The following COX7B2 variants were observed in gnomAD, a reference collection of about 807,000 sequenced individuals.
The protein encoded by COX7B2 is cytochrome c oxidase subunit 7B2, mitochondrial.
For synonymous variants in COX7B2, 37 were observed against 32.1 expected (o/e 1.15, Z -0.51); for missense variants, 109 against 95.9 (o/e 1.14, Z -0.57).
chr4:46,759,471 A>T (rs1350839840), intron 2 of COX7B2, among the ~76,000 whole-genome samples: 1 of 152,150 alleles, frequency 6.6e-6, no homozygotes, highest in East Asian at 1.9e-4. Flanking sequence ...GCTAATATCA[A>T]GAATCTACAA....
chr4:46,877,963 T>C (rs1014895883), intron 1 of COX7B2, among the ~76,000 whole-genome samples: 4 of 151,742 alleles, frequency 2.6e-5, no homozygotes, highest in Non-Finnish European at 5.9e-5. Flanking sequence ...ATAGCCAAGA[T>C]ATGGAAACAA....
chr4:46,886,466 A>G (rs764680862), intron 1 of COX7B2, among the ~76,000 whole-genome samples: 1 of 152,186 alleles, frequency 6.6e-6, no homozygotes, highest in African/African-American at 2.4e-5. Flanking sequence ...TAATTTCCCT[A>G]TTGTACTATC....
intron 1 of COX7B2, among the ~76,000 whole-genome samples, chr4:46,847,946 C>T (rs185320558): frequency 3.3e-5 from 5 of 152,022 alleles, no homozygotes; most frequent in Admixed American, 2.6e-4. Flanking sequence ...TAAGAGGCAG[C>T]GATGTTGCAT....
rs1720596498 is a variant in COX7B2, at chr4:46,909,179, A to G, written c.-124T>C. The G allele has an allele frequency of 6.6e-6, 1 of 152,242 alleles. No individual in the cohort carries two copies. Among genetic ancestry groups the G allele is most frequent in the Non-Finnish European group, 1.5e-5 (1 of 68,076 alleles). The allele number at this position is 152,242 out of a possible 1,614,324, so 9.4% of individuals were successfully genotyped here. On this transcript the variant is annotated 5_prime_UTR_variant, in exon 1 of 3. Coordinates refer to ENST00000355591, the MANE Select transcript of COX7B2 (RefSeq NM_130902.3). ...ACTTACCAAGGACGTCACAGGTAACAGGCAAAAAAAGACGGCGCAGAGGCA... is the reference window on the plus strand; with the variant it reads ...ACTTACCAAGGACGTCACAGGTAACGGGCAAAAAAAGACGGCGCAGAGGCA...
intron 1 of COX7B2, among the ~76,000 whole-genome samples, chr4:46,881,532 G>A (rs1301702780): frequency 2.0e-5 from 3 of 152,096 alleles, no homozygotes; most frequent in Admixed American, 6.5e-5. Context: ...GGAGGCCGAC[G>A]TGGGTGGATC....
Position 46,831,156 on chromosome 4 carries a change from C to T in COX7B2, c.-50+13804G>A, listed in dbSNP as rs558689242. ...GAGTGGCCGGCCGGCCTGCCAGCCC[C>T]GGGCAGTGAAAGGCTTAGCCCCCAG... On this transcript the variant is annotated intron_variant, in intron 2 of 2. Transcript: ENST00000355591. 5.9e-5 allele frequency among the ~76,000 whole-genome samples: 9 copies of T among 152,112 alleles called. 1 individual carries two copies. The South Asian group carries it at 1.7e-3, about 28-fold the overall frequency.
chr4:46,745,452 CTTT>C (rs1560347838), intron 2 of COX7B2, among the ~76,000 whole-genome samples: 1 of 152,106 alleles, frequency 6.6e-6, no homozygotes, highest in African/African-American at 2.4e-5. Flanking sequence ...GTATAATTTT[CTTT>C]TTTTCACTTT....
intron 1 of COX7B2, among the ~76,000 whole-genome samples, chr4:46,872,282 G>T (rs1364378904): frequency 1.3e-5 from 2 of 152,090 alleles, no homozygotes; most frequent in African/African-American, 4.8e-5. Context: ...AATAATTTAT[G>T]AATACAATGA....
intron 1 of COX7B2, among the ~76,000 whole-genome samples, 167 bp downstream of exon 1, chr4:46,908,993 G>T (rs900442498): frequency 2.6e-5 from 4 of 151,624 alleles, no homozygotes; most frequent in African/African-American, 9.7e-5. Flanking sequence ...GCAGTGAGCC[G>T]AGATGGCGTC....
At chr4:46,855,748 G>A (rs567056508) in intron 1 of COX7B2, among the ~76,000 whole-genome samples, 6 of 152,204 alleles carry the variant, frequency 3.9e-5, no homozygotes, top group African/African-American at 9.6e-5. Context: ...CAAGTAGCAT[G>A]TGGGTTTCAG....
At position 46,735,836 on chromosome 4, in the gene COX7B2, T is replaced by C. The variant is rs112155151; in HGVS notation, c.-49-595A>G. On this transcript the variant is annotated intron_variant, in intron 2 of 2. Transcript: ENST00000355591. ...AAACTTTTTTTCATAACACTTAACA[T>C]TGAGGAATTATCTTTTTAAATAGAA... Among the ~76,000 whole-genome samples, 5 of 152,216 alleles carry C rather than the reference T, an allele frequency of 3.3e-5. 1 individual carries two copies. Among genetic ancestry groups the C allele is most frequent in the African/African-American group, 1.2e-4 (5 of 41,538 alleles).
chr4:46,784,373 T>C (rs1480367593), intron 2 of COX7B2, among the ~76,000 whole-genome samples: 1 of 152,302 alleles, frequency 6.6e-6, no homozygotes, highest in African/African-American at 2.4e-5. Flanking sequence ...ATGCCTGTAA[T>C]CCCAGCACTT....
chr4:46,751,904 C>CT (rs57487108), intron 2 of COX7B2, among the ~76,000 whole-genome samples: 26,181 of 151,922 alleles, frequency 0.17, 2,417 homozygotes, highest in South Asian at 0.36. Context: ...AATACGGGCT[C>CT]TTTTTTGCTT....
intron 2 of COX7B2, among the ~76,000 whole-genome samples, chr4:46,753,947 C>A (rs1715580771): frequency 6.6e-6 from 1 of 152,078 alleles, no homozygotes; most frequent in African/African-American, 2.4e-5. Flanking sequence ...ATGCAGCCAA[C>A]AGACACATGA....
intron 2 of COX7B2, among the ~76,000 whole-genome samples, chr4:46,771,991 T>C (rs1716904945): frequency 6.6e-6 from 1 of 152,148 alleles, no homozygotes; most frequent in Admixed American, 6.5e-5. Context: ...ACAACCTGTA[T>C]CTCTTTCACT....
intron 2 of COX7B2, among the ~76,000 whole-genome samples, chr4:46,739,340 AAAC>A (rs1714564014): frequency 6.6e-6 from 1 of 151,794 alleles, no homozygotes; most frequent in African/African-American, 2.4e-5. Flanking sequence ...AAACCAAACC[AAAC>A]CAAAACAAAA....
At chr4:46,800,425 A>C (rs115142669) in intron 2 of COX7B2, among the ~76,000 whole-genome samples, 61 of 152,224 alleles carry the variant, frequency 4.0e-4, no homozygotes, top group African/African-American at 1.4e-3. Flanking sequence ...CACACAGACC[A>C]ATGGGAAAGA....
Position 46,888,805 on chromosome 4 carries a change from AATT to A in COX7B2, c.-105+20352_-105+20354del, listed in dbSNP as rs1185906384. On this transcript the variant is annotated intron_variant, in intron 1 of 2. Transcript: ENST00000355591. ...TACTTCCCTACTGTGTTTTTATAAT[AATT>A]ACTACAATCCCAATTCTGTATCTTC... Among the ~76,000 whole-genome samples the A allele has an allele frequency of 5.3e-5, 8 of 152,252 alleles. 2 individuals carry two copies. The highest frequency in any genetic ancestry group is 1.3e-4 in the Admixed American group (2 of 15,286).
Position 46,820,833 on chromosome 4 carries a change from AAAT to A in COX7B2, c.-50+24124_-50+24126del, listed in dbSNP as rs1280269082. ...CAAAACTCCATCTCAAAAAAAAAAA[AAAT>A]ATATATATATATATATAGATAGATA... On this transcript the variant is annotated intron_variant, in intron 2 of 2. Transcript: ENST00000355591. Among the ~76,000 whole-genome samples, 155 of 144,594 alleles carry A rather than the reference AAAT, an allele frequency of 1.1e-3. 1 individual carries two copies. The highest frequency in any genetic ancestry group is 2.5e-3 in the African/African-American group (99 of 39,036). 94.9% of individuals were successfully genotyped at this position (144,594 alleles called of 152,430 possible).
Sources: allele counts gnomAD v4.1 joint callset (sites outside exome capture counted in the v4.1 genomes callset), GRCh38; gene constraint gnomAD v4.1.1; transcripts MANE v1.5; gene names NCBI Gene and HGNC (gene_info 2026-07-23, HGNC 2026-07-21).